NEXMIF: variants seen among roughly 807,000 people sequenced by gnomAD.
The protein encoded by NEXMIF is neurite extension and migration factor, also known as XLMR protein related to neurite extension.
A neutral mutation model predicts 62.1 loss-of-function variants in NEXMIF; 8 were observed. The ratio of observed to expected loss-of-function variants is 0.13; its 90% CI spans 0.08 to 0.23. The LOEUF is 0.23. Among genes scored for constraint, NEXMIF ranks in the 10% least tolerant of loss-of-function variants. NEXMIF has a pLI of 1.00. For synonymous variants in NEXMIF, 404 were observed against 416.6 expected (o/e 0.97, Z 0.37); for missense variants, 976 against 1,113.3 (o/e 0.88, Z 1.75).
intron 1 of NEXMIF, among the ~76,000 whole-genome samples, chrX:74,880,482 C>A (rs934590888): frequency 3.0e-4 from 33 of 111,558 alleles, no homozygotes; most frequent in Non-Finnish European, 5.6e-5. Flanking sequence ...CAGAGCCCCA[C>A]CCCTACATTA....
Position 74,895,850 on chromosome X carries a change from C to A in NEXMIF, c.-48+29033G>T, listed in dbSNP as rs1008242879. On this transcript the variant is annotated intron_variant, in intron 1 of 3. Transcript: ENST00000055682. Reference sequence around the variant, plus strand: ...GCTACTGTGTAAAAAAAAAAAAAAACATAGAATGAATGAATAAGGCCTAGA... The same window carrying A: ...GCTACTGTGTAAAAAAAAAAAAAAAAATAGAATGAATGAATAAGGCCTAGA... Among the ~76,000 whole-genome samples the A allele has an allele frequency of 1.1e-4, 12 of 105,199 alleles. No homozygotes were observed. The East Asian group carries it at 3.3e-3, about 29-fold the overall frequency. The allele number at this position is 105,199 out of a possible 115,157, so 91.4% of individuals were successfully genotyped here. A position where few individuals can be genotyped will look rare whatever the true frequency, so the allele number is the denominator to read the frequency against.
At chrX:74,794,732 C>T (rs967820938) in intron 1 of NEXMIF, among the ~76,000 whole-genome samples, 3 of 111,426 alleles carry the variant, frequency 2.7e-5, no homozygotes, top group Non-Finnish European at 3.8e-5. Context: ...GGGAGTGGCC[C>T]GATTTTCCAG....
chrX:74,834,667 C>T (rs972393006), intron 1 of NEXMIF, among the ~76,000 whole-genome samples: 1 of 111,882 alleles, frequency 8.9e-6, no homozygotes, highest in Non-Finnish European at 1.9e-5. Flanking sequence ...AAGACTGCTG[C>T]CACAGGTATT....
At position 74,809,277 on chromosome X, in the gene NEXMIF, T is replaced by G. The variant is rs542792695; in HGVS notation, c.-47-63580A>C. ...TGTCACACCCAGACCATTATTTCCATTAGGAATAAAAATAAAAAGTAAAAG... is the reference window on the plus strand; with the variant it reads ...TGTCACACCCAGACCATTATTTCCAGTAGGAATAAAAATAAAAAGTAAAAG... On this transcript the variant is annotated intron_variant, in intron 1 of 3. Coordinates refer to ENST00000055682, the MANE Select transcript of NEXMIF (RefSeq NM_001008537.3). Among the ~76,000 whole-genome samples the G allele has an allele frequency of 5.0e-4, 56 of 111,986 alleles. No homozygotes were observed. In the South Asian group the frequency reaches 0.011, roughly 22 times the overall value.
intron 1 of NEXMIF, among the ~76,000 whole-genome samples, chrX:74,827,464 A>G (rs1313337717): frequency 8.9e-6 from 1 of 111,989 alleles, no homozygotes; most frequent in Non-Finnish European, 1.9e-5. Flanking sequence ...TTGGACTGAG[A>G]ACTCAGAAGC....
chrX:74,824,951 T>G (rs2080409994), intron 1 of NEXMIF, among the ~76,000 whole-genome samples: 1 of 111,168 alleles, frequency 9.0e-6, no homozygotes, highest in Admixed American at 9.5e-5. Flanking sequence ...CCCGGCCTAG[T>G]TTTTTAAGGA....
intron 1 of NEXMIF, among the ~76,000 whole-genome samples, chrX:74,750,967 C>A (rs1314130539): frequency 9.0e-6 from 1 of 111,722 alleles, no homozygotes; most frequent in Non-Finnish European, 1.9e-5. Flanking sequence ...GTGGTTCACA[C>A]CTGTAATCCT....
intron 1 of NEXMIF, among the ~76,000 whole-genome samples, chrX:74,808,053 T>C (rs1305438046): frequency 8.9e-6 from 1 of 111,890 alleles, no homozygotes; most frequent in Non-Finnish European, 1.9e-5. Context: ...TCTGTTAATA[T>C]GATGGATTAC....
At chrX:74,769,237 A>G (rs192359327) in intron 1 of NEXMIF, among the ~76,000 whole-genome samples, 90 of 111,131 alleles carry the variant, frequency 8.1e-4, no homozygotes, top group Non-Finnish European at 1.6e-3. Context: ...AAAACAAAAC[A>G]CCTGTGTTTC....
intron 1 of NEXMIF, among the ~76,000 whole-genome samples, chrX:74,876,991 AT>A (rs1186232088): frequency 2.7e-5 from 3 of 111,559 alleles, no homozygotes; most frequent in South Asian, 3.8e-4. Context: ...GTCCATTTAC[AT>A]TTAAAGTTAA....
intron 1 of NEXMIF, among the ~76,000 whole-genome samples, chrX:74,796,190 T>TTATATATATTATATATATTA (rs2080308208): frequency 1.8e-5 from 1 of 56,697 alleles, no homozygotes; most frequent in Non-Finnish European, 3.3e-5. Flanking sequence ...TACATATATA[T>TTATATATATTATATATATTA]TATATATATA....
chrX:74,761,386 C>T (rs748637456), intron 1 of NEXMIF, among the ~76,000 whole-genome samples: 1 of 111,486 alleles, frequency 9.0e-6, no homozygotes, highest in Non-Finnish European at 1.9e-5. Flanking sequence ...ATTACTGATT[C>T]AATTTTGGAG....
intron 1 of NEXMIF, among the ~76,000 whole-genome samples, chrX:74,820,152 A>G (rs1470035650): frequency 9.1e-6 from 1 of 110,152 alleles, no homozygotes; most frequent in Non-Finnish European, 1.9e-5. Flanking sequence ...TCACTTGGAC[A>G]CAGGGTGGGG....
In NEXMIF at chrX:74,763,338, G is replaced by C. The variant is rs1480755059; in HGVS notation, c.-47-17641C>G. Among the ~76,000 whole-genome samples, 3 of 111,482 alleles carry C rather than the reference G, an allele frequency of 2.7e-5. No individual in the cohort carries two copies. The East Asian group carries it at 8.5e-4, about 32-fold the overall frequency. Reference sequence around the variant, plus strand: ...TCCATTGGTCTATATCTCTGTTTTGGTACCAGTACCATGCTGTTTTGGTTA... The same window carrying C: ...TCCATTGGTCTATATCTCTGTTTTGCTACCAGTACCATGCTGTTTTGGTTA... On this transcript the variant is annotated intron_variant, in intron 1 of 3. Transcript: ENST00000055682.
At chrX:74,762,220 G>A (rs749728086) in intron 1 of NEXMIF, among the ~76,000 whole-genome samples, 2 of 106,691 alleles carry the variant, frequency 1.9e-5, no homozygotes, top group Non-Finnish European at 3.8e-5. Flanking sequence ...TGCGGTGTTT[G>A]GTTTTTTGTC....
intron 1 of NEXMIF, among the ~76,000 whole-genome samples, chrX:74,800,595 G>A (rs2080326774): frequency 9.1e-6 from 1 of 110,337 alleles, no homozygotes; most frequent in South Asian, 3.9e-4. Context: ...TAGTTCTTAA[G>A]TAACAACTAA....
intron 1 of NEXMIF, among the ~76,000 whole-genome samples, chrX:74,804,202 CATTT>C (rs1181967126): frequency 8.9e-6 from 1 of 112,351 alleles, no homozygotes; most frequent in Middle Eastern, 4.2e-3. Flanking sequence ...TCTTTTTGCT[CATTT>C]GTTTGTTTAT....
intron 1 of NEXMIF, among the ~76,000 whole-genome samples, chrX:74,821,731 G>A (rs1329384381): frequency 9.0e-6 from 1 of 111,511 alleles, no homozygotes; most frequent in Admixed American, 9.5e-5. Flanking sequence ...TGAAAATTGT[G>A]TGTGTGTGTG....
At chrX:74,865,181 A>G (rs904354430) in intron 1 of NEXMIF, among the ~76,000 whole-genome samples, 2 of 112,008 alleles carry the variant, frequency 1.8e-5, no homozygotes, top group African/African-American at 6.5e-5. Context: ...AAGATGTGGG[A>G]AAGTTTGGAA....
Sources: gnomAD v4.1 joint callset for allele counts (sites outside exome capture counted in the v4.1 genomes callset) on GRCh38, gnomAD v4.1.1 for gene constraint, MANE v1.5 for transcripts, NCBI Gene and HGNC (gene_info 2026-07-23, HGNC 2026-07-21) for gene names.